The following PSMD12 variants were observed in gnomAD, a reference collection of about 807,000 sequenced individuals.
PSMD12 encodes the protein 26S proteasome non-ATPase regulatory subunit 12.
In PSMD12, 8 loss-of-function variants were observed where a neutral mutation model predicts 62.9. That is an observed-to-expected ratio of 0.13 (90% CI 0.07 to 0.23). The LOEUF (loss-of-function observed/expected upper bound fraction) is 0.23, where lower values mean the gene tolerates loss of function less well. Ranked by LOEUF, PSMD12 falls within the 10% of genes least tolerant of loss-of-function variation. The pLI is 1.00. For missense variants in PSMD12, 424 were observed against 550.2 expected, an observed-to-expected ratio of 0.77 and a Z score of 2.29; for synonymous variants, 173 against 187.4, an observed-to-expected ratio of 0.92 and a Z score of 0.63.
intron 9 of PSMD12, among the ~76,000 whole-genome samples, chr17:67,343,825 T>C (rs996563845): frequency 1.2e-4 from 18 of 152,164 alleles, no homozygotes; most frequent in African/African-American, 4.1e-4. Flanking sequence ...TGCCTCAGCT[T>C]CCTGAGTAGC....
intron 3 of PSMD12, among the ~76,000 whole-genome samples, chr17:67,351,810 AT>A (rs1202873412): frequency 6.7e-6 from 1 of 148,554 alleles, no homozygotes; most frequent in East Asian, 2.0e-4. Context: ...AATTAAAAAC[AT>A]TTTTTTGGCT....
At chr17:67,360,108 A>T (rs1383235276) in intron 1 of PSMD12, among the ~76,000 whole-genome samples, 1 of 141,420 alleles carries the variant, frequency 7.1e-6, no homozygotes, top group African/African-American at 2.7e-5. Flanking sequence ...TTTAAATCTC[A>T]CCTTTCGCTT....
chr17:67,347,124 A>G lies in PSMD12; in HGVS notation c.787T>C (p.Trp263Arg). The change falls in exon 7 of 11, where the codon TGG becomes CGG. Residue 263 changes from tryptophan to arginine, a missense_variant. Trp to Arg is a moderately radical substitution (Grantham distance 101). Coordinates refer to ENST00000356126, the MANE Select transcript of PSMD12 (RefSeq NM_002816.5). Reference sequence around the variant, plus strand: ...CACGAATATATTCTTACCTGCTGCCATTTTTCACTTTCTGCCTGTATACAG... The same window carrying G: ...CACGAATATATTCTTACCTGCTGCCGTTTTTCACTTTCTGCCTGTATACAG... Reference protein sequence around the residue: ...TPCIQAESEKWQQALKSVVLY... With the variant: ...TPCIQAESEKRQQALKSVVLY... 6.3e-7 allele frequency: 1 copy of G among 1,594,778 alleles called. No homozygotes were observed. Among genetic ancestry groups the G allele is most frequent in the East Asian group, 2.2e-5 (1 of 44,528 alleles).
rs184878124 is a variant in PSMD12 at position 67,339,330 on chromosome 17, C to T, written c.*1513G>A. 2 of 152,262 alleles carry T rather than the reference C, an allele frequency of 1.3e-5. No homozygotes were observed. Among genetic ancestry groups the T allele is most frequent in the Admixed American group, 1.3e-4 (2 of 15,296 alleles). The allele number at this position is 152,262 out of a possible 1,614,324, so 9.4% of individuals were successfully genotyped here. On this transcript the variant is annotated 3_prime_UTR_variant, in exon 11 of 11. Coordinates refer to ENST00000356126, the MANE Select transcript of PSMD12 (RefSeq NM_002816.5). The stretch of plus-strand genomic sequence containing the variant: ...TTTGCCATGTTGGCCAGGCTAGTCT[C>T]GAAATCCTGACCTTAGATGATCCAC...
intron 3 of PSMD12, 160 bp downstream of exon 3, chr17:67,357,143 C>A: frequency 1.4e-6 from 1 of 720,046 alleles, no homozygotes; most frequent in Non-Finnish European, 2.1e-6. Context: ...AAACAGAAAA[C>A]AGTCATATCA....
chr17:67,342,138 C>T (rs2143681892), intron 10 of PSMD12, 48 bp downstream of exon 10: 1 of 1,302,294 alleles, frequency 7.7e-7, no homozygotes, highest in Non-Finnish European at 1.1e-6. Flanking sequence ...TACAAGTCAA[C>T]ATTCAAAAGG....
At chr17:67,341,464 T>A (rs2041914352) in intron 10 of PSMD12, among the ~76,000 whole-genome samples, 1 of 78,632 alleles carries the variant, frequency 1.3e-5, no homozygotes, top group Non-Finnish European at 2.2e-5. Flanking sequence ...GGTGAGACTC[T>A]GCCTCAAAAA....
rs1324527895 is a variant in PSMD12, at chr17:67,339,398, CTTT to C, written c.*1442_*1444del. 1 of 152,214 alleles carries C rather than the reference CTTT, an allele frequency of 6.6e-6. No homozygotes were observed. The highest frequency in any genetic ancestry group is 2.4e-5 in the African/African-American group (1 of 41,550). The allele number at this position is 152,214 out of a possible 1,614,324, so 9.4% of individuals were successfully genotyped here. Reference sequence around the variant, plus strand: ...AGTGCTGGGATCCACTGCACCCGGCCTTTTTTGGTTAGTTTTAAAAAGATAAGT... The same window carrying C: ...AGTGCTGGGATCCACTGCACCCGGCCTTTGGTTAGTTTTAAAAAGATAAGT... On this transcript the variant is annotated 3_prime_UTR_variant, in exon 11 of 11. Transcript: ENST00000356126.
chr17:67,357,136 C>G (rs1010863746), intron 3 of PSMD12, 167 bp downstream of exon 3: 5 of 694,078 alleles, frequency 7.2e-6, no homozygotes, highest in Non-Finnish European at 1.1e-5. Flanking sequence ...GAAGAAAAAA[C>G]AGAAAACAGT....
intron 3 of PSMD12, among the ~76,000 whole-genome samples, chr17:67,352,235 G>C (rs7212821): frequency 1.3e-5 from 2 of 152,022 alleles, no homozygotes; most frequent in African/African-American, 2.4e-5. Flanking sequence ...TGGGACTACA[G>C]GTATGTGCCA....
intron 3 of PSMD12, among the ~76,000 whole-genome samples, chr17:67,350,678 G>A (rs1439791997): frequency 6.6e-6 from 1 of 152,190 alleles, no homozygotes; most frequent in African/African-American, 2.4e-5. Flanking sequence ...AAAGGCAGTG[G>A]CAGAGGCAAA....
chr17:67,351,362 A>G (rs1354108842), intron 3 of PSMD12, among the ~76,000 whole-genome samples: 5 of 150,606 alleles, frequency 3.3e-5, no homozygotes, highest in African/African-American at 1.2e-4. Flanking sequence ...ACTGCACTTC[A>G]GCCTGGGAGA....
intron 7 of PSMD12, among the ~76,000 whole-genome samples, chr17:67,346,115 G>A (rs1274533995): frequency 2.6e-5 from 4 of 152,068 alleles, no homozygotes; most frequent in East Asian, 3.9e-4. Flanking sequence ...AAATTAGGCC[G>A]GGCACGGTGG....
chr17:67,358,015 G>A (rs192910490), intron 1 of PSMD12, among the ~76,000 whole-genome samples: 29 of 151,792 alleles, frequency 1.9e-4, no homozygotes, highest in Admixed American at 7.9e-4. Context: ...TCCACCTCCC[G>A]GGTTCTAGCG....
chr17:67,352,121 C>T (rs1206293451), intron 3 of PSMD12, among the ~76,000 whole-genome samples: 2 of 151,700 alleles, frequency 1.3e-5, no homozygotes, highest in Non-Finnish European at 2.9e-5. Flanking sequence ...GAGATGGGGC[C>T]TCATTTTGTC....
intron 5 of PSMD12, among the ~76,000 whole-genome samples, chr17:67,348,110 A>T (rs528631521): frequency 2.6e-5 from 4 of 152,180 alleles, no homozygotes; most frequent in Admixed American, 6.6e-5. Flanking sequence ...TTACGTAAAC[A>T]TAAGTTTTCA....
chr17:67,348,432 A>C, intron 5 of PSMD12, 118 bp downstream of exon 5: 2 of 822,740 alleles, frequency 2.4e-6, no homozygotes, highest in Admixed American at 2.7e-5. Flanking sequence ...TTTCAATCAA[A>C]ATCCAAAATA....
intron 3 of PSMD12, among the ~76,000 whole-genome samples, chr17:67,355,713 T>C (rs552808089): frequency 1.3e-5 from 2 of 152,236 alleles, no homozygotes; most frequent in South Asian, 2.1e-4. Context: ...AACATTTAAA[T>C]ATATCTCAAG....
Position 67,344,783 on chromosome 17 carries a change from G to A in PSMD12, c.909-3C>T. On this transcript the variant is annotated splice_polypyrimidine_tract_variant and splice_region_variant and intron_variant, in intron 8 of 10. Coordinates refer to ENST00000356126, the MANE Select transcript of PSMD12 (RefSeq NM_002816.5). ...TGGTAAAAAGCTTTAAAAGATCCCT[G>A]AAAATTGTATACATCTTAATATTCC... 6.4e-7 allele frequency: 1 copy of A among 1,568,458 alleles called. No individual in the cohort carries two copies.
Sources: allele counts gnomAD v4.1 joint callset (sites outside exome capture counted in the v4.1 genomes callset), GRCh38; gene constraint gnomAD v4.1.1; transcripts MANE v1.5; gene names NCBI Gene and HGNC (gene_info 2026-07-23, HGNC 2026-07-21).